THSD7A: variants seen among roughly 807,000 people sequenced by gnomAD.
THSD7A encodes the protein thrombospondin type-1 domain-containing protein 7A.
A neutral mutation model predicts 231.3 loss-of-function variants in THSD7A; 96 were observed. The observed-to-expected ratio is 0.41, with a 90% CI of 0.35 to 0.49. The LOEUF (loss-of-function observed/expected upper bound fraction) is 0.49. Among genes scored for constraint, THSD7A ranks in the 20% least tolerant of loss-of-function variants. The probability of loss-of-function intolerance (pLI) is 0.05; values close to 1 mark genes in which losing one functional copy is unlikely to be tolerated. For synonymous variants in THSD7A, 940 were observed against 743.3 expected, an observed-to-expected ratio of 1.26 and a Z score of -4.30; for missense variants, 2,290 against 2,070.2, an observed-to-expected ratio of 1.11 and a Z score of -2.06.
intron 1 of THSD7A, among the ~76,000 whole-genome samples, chr7:11,750,302 A>T (rs1195969042): frequency 6.6e-6 from 1 of 151,894 alleles, no homozygotes; most frequent in Non-Finnish European, 1.5e-5. Context: ...AAACAGAAGT[A>T]TATAGGGGTG....
chr7:11,814,077 T>G lies in THSD7A; in HGVS notation c.190+17680A>C, dbSNP rs144696351. Reference sequence around the variant, plus strand: ...CACGCAAGTTATGATGCCATTCATATGAAAGGTCCAGACTAGGCGAATAGA... The same window carrying G: ...CACGCAAGTTATGATGCCATTCATAGGAAAGGTCCAGACTAGGCGAATAGA... On this transcript the variant is annotated intron_variant, in intron 1 of 27. Transcript: ENST00000423059. The surrounding 1 kb of genome is among the most constrained non-coding windows in gnomAD (Gnocchi z 5.1). 2.0e-4 allele frequency among the ~76,000 whole-genome samples: 31 copies of G among 152,294 alleles called. No homozygotes were observed. In the East Asian group the frequency reaches 5.6e-3, roughly 28 times the overall value.
chr7:11,513,240 C>T (rs1787893101), intron 6 of THSD7A, among the ~76,000 whole-genome samples: 1 of 151,614 alleles, frequency 6.6e-6, no homozygotes, highest in Non-Finnish European at 1.5e-5. Context: ...GCAGCAGGAT[C>T]TCACAAATCT....
At position 11,550,617 on chromosome 7, in the gene THSD7A, G is replaced by T. The variant is rs964218393; in HGVS notation, c.1454-7500C>A. ...TTCTCCTTTGCCTTCTGCCATGATT[G>T]TAAGTTTCTTGAGGCCTTCCCAGCG... is the stretch of plus-strand genomic sequence containing the variant. On this transcript the variant is annotated intron_variant, in intron 4 of 27. Transcript: ENST00000423059. Among the ~76,000 whole-genome samples the T allele has an allele frequency of 3.9e-5, 6 of 152,124 alleles. No individual in the cohort carries two copies. In the South Asian group the frequency reaches 8.3e-4, roughly 21 times the overall value.
At chr7:11,786,705 G>A (rs1247285096) in intron 1 of THSD7A, among the ~76,000 whole-genome samples, 2 of 146,374 alleles carry the variant, frequency 1.4e-5, no homozygotes, top group East Asian at 4.1e-4. Flanking sequence ...TATGGGTTTT[G>A]TTACTTGAAA....
At chr7:11,673,527 T>C (rs918183557) in intron 1 of THSD7A, among the ~76,000 whole-genome samples, 4 of 152,138 alleles carry the variant, frequency 2.6e-5, no homozygotes, top group Admixed American at 6.5e-5. Flanking sequence ...CCCATCACCA[T>C]TGCCATGGGA....
intron 6 of THSD7A, among the ~76,000 whole-genome samples, chr7:11,497,827 A>T (rs2128309107): frequency 6.6e-6 from 1 of 152,252 alleles, no homozygotes; most frequent in South Asian, 2.1e-4. Flanking sequence ...GAAAAACAAG[A>T]CAAGACAATG....
intron 1 of THSD7A, among the ~76,000 whole-genome samples, chr7:11,646,099 T>C (rs1005814977): frequency 2.0e-5 from 3 of 152,000 alleles, no homozygotes; most frequent in Admixed American, 1.3e-4. Flanking sequence ...CCTTTCAAGC[T>C]CATAAACTCA....
intron 1 of THSD7A, among the ~76,000 whole-genome samples, chr7:11,777,699 C>T (rs1348206625): frequency 6.6e-6 from 1 of 151,998 alleles, no homozygotes; most frequent in East Asian, 1.9e-4. Context: ...GAGAGGAAGG[C>T]GTTGGAGAAA....
intron 1 of THSD7A, among the ~76,000 whole-genome samples, chr7:11,794,114 T>C (rs1237481083): frequency 6.6e-6 from 1 of 151,968 alleles, no homozygotes; most frequent in Non-Finnish European, 1.5e-5. Context: ...TTAATTATAT[T>C]CTAACATATG....
At chr7:11,783,036 T>C (rs1035325621) in intron 1 of THSD7A, among the ~76,000 whole-genome samples, 4 of 152,034 alleles carry the variant, frequency 2.6e-5, no homozygotes, top group African/African-American at 9.7e-5. Context: ...AAAACATTGG[T>C]AGAAAGGTGG....
intron 1 of THSD7A, among the ~76,000 whole-genome samples, chr7:11,665,204 T>C (rs1783082562): frequency 6.6e-6 from 1 of 152,082 alleles, no homozygotes; most frequent in Non-Finnish European, 1.5e-5. Flanking sequence ...AATGTGAATG[T>C]TGGAAGAGCC....
chr7:11,557,972 C>A (rs1562716968), intron 4 of THSD7A, among the ~76,000 whole-genome samples: 1 of 152,056 alleles, frequency 6.6e-6, no homozygotes, highest in African/African-American at 2.4e-5. Flanking sequence ...GTGTTTTTGG[C>A]TGGGTAGAGT....
At chr7:11,524,374 T>C (rs1231357598) in intron 6 of THSD7A, among the ~76,000 whole-genome samples, 1 of 152,176 alleles carries the variant, frequency 6.6e-6, no homozygotes, top group African/African-American at 2.4e-5. Flanking sequence ...GCTTGGTATC[T>C]TTTTGACTGC....
At chr7:11,769,153 A>ATATATATATATTTT in intron 1 of THSD7A, among the ~76,000 whole-genome samples, 2 of 27,650 alleles carry the variant, frequency 7.2e-5, no homozygotes, top group Admixed American at 6.0e-4. Flanking sequence ...ATATATATAT[A>ATATATATATATTTT]TTTTTTTTTT....
At chr7:11,383,513 G>T (rs1481915249) in intron 23 of THSD7A, among the ~76,000 whole-genome samples, 4 of 151,774 alleles carry the variant, frequency 2.6e-5, no homozygotes, top group Non-Finnish European at 5.9e-5. Flanking sequence ...ATTAAATATT[G>T]CCCATTTTTT....
intron 1 of THSD7A, among the ~76,000 whole-genome samples, chr7:11,661,432 C>T (rs1460682174): frequency 1.3e-5 from 2 of 150,900 alleles, no homozygotes; most frequent in Non-Finnish European, 3.0e-5. Context: ...CTATTGTTTT[C>T]CAGAAAAATG....
intron 6 of THSD7A, among the ~76,000 whole-genome samples, chr7:11,492,089 T>A (rs1302965296): frequency 2.0e-5 from 3 of 152,038 alleles, no homozygotes; most frequent in Non-Finnish European, 1.5e-5. Flanking sequence ...TTCACGTCTG[T>A]TGTGTTTTAG....
intron 1 of THSD7A, among the ~76,000 whole-genome samples, chr7:11,791,862 C>T (rs1369779568): frequency 6.6e-6 from 1 of 151,894 alleles, no homozygotes; most frequent in Non-Finnish European, 1.5e-5. Flanking sequence ...TTGCTGCCGC[C>T]TCTTTCTTGC....
intron 23 of THSD7A, among the ~76,000 whole-genome samples, chr7:11,386,224 A>G (rs1782737867): frequency 6.6e-6 from 1 of 152,178 alleles, no homozygotes; most frequent in Non-Finnish European, 1.5e-5. Context: ...TCCTTTATGT[A>G]TATACCCAGT....
Sources: gnomAD v4.1 joint callset for allele counts (sites outside exome capture counted in the v4.1 genomes callset) on GRCh38, gnomAD v4.1.1 for gene constraint, Gnocchi (gnomAD v3.1) non-coding constraint, MANE v1.5 for transcripts, NCBI Gene and HGNC (gene_info 2026-07-23, HGNC 2026-07-21) for gene names.